Variants in AGBL4 observed in about 807,000 individuals in gnomAD.
AGBL4 encodes AGBL carboxypeptidase 4.
In AGBL4, 58 loss-of-function variants were observed where a neutral mutation model predicts 66.4. The ratio of observed to expected loss-of-function variants is 0.87; its 90% CI spans 0.71 to 1.09. The LOEUF is 1.09. AGBL4 is among the 50% of genes least tolerant of loss of function. The pLI is 0.00. For missense variants in AGBL4, 579 were observed against 631.0 expected, an observed-to-expected ratio of 0.92 and a Z score of 0.88; for synonymous variants, 234 against 222.9, an observed-to-expected ratio of 1.05 and a Z score of -0.44.
intron 3 of AGBL4, among the ~76,000 whole-genome samples, chr1:49,305,135 G>A (rs1644826458): frequency 6.6e-6 from 1 of 152,186 alleles, no homozygotes; most frequent in African/African-American, 2.4e-5. Context: ...TCTGGCTCCA[G>A]TGTCAACATT....
intron 3 of AGBL4, among the ~76,000 whole-genome samples, chr1:49,433,958 A>G (rs1046000296): frequency 3.3e-5 from 5 of 152,224 alleles, no homozygotes; most frequent in Non-Finnish European, 7.4e-5. Flanking sequence ...CATCAGAGTT[A>G]GGGTGGTCAA....
At chr1:49,162,744 A>G (rs1646563165) in intron 4 of AGBL4, among the ~76,000 whole-genome samples, 2 of 152,170 alleles carry the variant, frequency 1.3e-5, no homozygotes, top group Admixed American at 6.5e-5. Flanking sequence ...AGGTCCCTTA[A>G]CCTTTCTGAG....
At chr1:49,721,528 G>A (rs1264237805) in intron 2 of AGBL4, among the ~76,000 whole-genome samples, 3 of 152,150 alleles carry the variant, frequency 2.0e-5, no homozygotes, top group Non-Finnish European at 2.9e-5. Flanking sequence ...AGGACAAGTT[G>A]CTGGAGAGGT....
At position 49,526,554 on chromosome 1, in the gene AGBL4, TA is replaced by T. The variant is rs1570950891; in HGVS notation, c.282+170758del. On this transcript the variant is annotated intron_variant, in intron 3 of 13. Transcript: ENST00000371839. ...AATCTCCCATTTGGAGAGTCAAATA[TA>T]AATATAGGTAGGTGGATACCAAAAA... 4.6e-5 allele frequency among the ~76,000 whole-genome samples: 7 copies of T among 152,080 alleles called. No individual in the cohort carries two copies. In the East Asian group the frequency reaches 1.2e-3, roughly 25 times the overall value.
At chr1:49,476,726 T>A (rs1646854195) in intron 3 of AGBL4, among the ~76,000 whole-genome samples, 1 of 152,104 alleles carries the variant, frequency 6.6e-6, no homozygotes, top group South Asian at 2.1e-4. Context: ...AGAATAGTGA[T>A]CTCTGCTATT....
chr1:48,731,458 G>A (rs1218203388), intron 6 of AGBL4, among the ~76,000 whole-genome samples: 1 of 152,158 alleles, frequency 6.6e-6, no homozygotes, highest in Non-Finnish European at 1.5e-5. Flanking sequence ...AGTCTCCTAG[G>A]AGGCAAAGAT....
chr1:49,406,619 G>T (rs896027687), intron 3 of AGBL4, among the ~76,000 whole-genome samples: 2 of 151,990 alleles, frequency 1.3e-5, no homozygotes, highest in Non-Finnish European at 2.9e-5. Flanking sequence ...AATGGTACAG[G>T]TAATATAAGC....
At chr1:48,754,502 C>T (rs1025558140) in intron 6 of AGBL4, among the ~76,000 whole-genome samples, 1 of 152,014 alleles carries the variant, frequency 6.6e-6, no homozygotes, top group Non-Finnish European at 1.5e-5. Context: ...ACATCTGTAC[C>T]TTGTACATTG....
chr1:49,257,939 C>T (rs545049852), intron 3 of AGBL4, among the ~76,000 whole-genome samples: 32 of 152,186 alleles, frequency 2.1e-4, no homozygotes, highest in Non-Finnish European at 3.2e-4. Flanking sequence ...ACACCTCACA[C>T]GGCTGGGTAC....
In AGBL4 at chr1:49,747,416, G is replaced by T. The variant is rs576947623; in HGVS notation, c.158-49979C>A. On this transcript the variant is annotated intron_variant, in intron 2 of 13. Coordinates refer to ENST00000371839, the MANE Select transcript of AGBL4 (RefSeq NM_032785.4). ...ACCTATTAATGTTTTATGACTGTGG[G>T]ATAAATATAACATAAGAAATTCTGA... 4.1e-4 allele frequency among the ~76,000 whole-genome samples: 62 copies of T among 152,078 alleles called. 1 individual carries two copies. Among genetic ancestry groups the T allele is most frequent in the Non-Finnish European group, 2.1e-4 (14 of 68,012 alleles).
intron 4 of AGBL4, among the ~76,000 whole-genome samples, chr1:49,214,146 G>C (rs910664795): frequency 6.6e-6 from 1 of 152,026 alleles, no homozygotes; most frequent in South Asian, 2.1e-4. Context: ...ATGGTAGTAG[G>C]GTATGTCTAG....
rs1645014386 is a variant in AGBL4, at chr1:49,603,927, TATACACACACACAC to T, written c.282+93372_282+93385del. 4.6e-5 allele frequency among the ~76,000 whole-genome samples: 5 copies of T among 107,724 alleles called. No homozygotes were observed. In the South Asian group the frequency reaches 1.5e-3, roughly 33 times the overall value. The allele number at this position is 107,724 out of a possible 152,430, so 70.7% of individuals were successfully genotyped here. On this transcript the variant is annotated intron_variant, in intron 3 of 13. Transcript: ENST00000371839. ...TCTACAGGTGATTAGTATTCCATGG[TATACACACACACAC>T]ACACACACACACACACACACACACA...
At chr1:48,848,268 G>A (rs1338486301) in intron 6 of AGBL4, among the ~76,000 whole-genome samples, 4 of 152,204 alleles carry the variant, frequency 2.6e-5, no homozygotes, top group South Asian at 2.1e-4. Flanking sequence ...CTTAATGGGC[G>A]GACTACAACT....
intron 8 of AGBL4, among the ~76,000 whole-genome samples, chr1:48,651,244 G>A (rs967645540): frequency 1.3e-5 from 2 of 152,134 alleles, no homozygotes; most frequent in African/African-American, 4.8e-5. Context: ...TCTGAGGGTT[G>A]GAAATCTTTT....
intron 1 of AGBL4, among the ~76,000 whole-genome samples, chr1:49,973,464 T>C (rs1658303232): frequency 6.6e-6 from 1 of 151,994 alleles, no homozygotes; most frequent in South Asian, 2.1e-4. Flanking sequence ...ATCACTTCCA[T>C]AATTGCAGAA....
At chr1:48,879,434 C>T (rs1160505568) in intron 5 of AGBL4, among the ~76,000 whole-genome samples, 2 of 151,304 alleles carry the variant, frequency 1.3e-5, no homozygotes, top group Non-Finnish European at 2.9e-5. Flanking sequence ...CTCAACAATG[C>T]AGCCAGAATA....
At chr1:49,375,947 CCAA>C (rs1644463745) in intron 3 of AGBL4, among the ~76,000 whole-genome samples, 1 of 152,022 alleles carries the variant, frequency 6.6e-6, no homozygotes, top group Admixed American at 6.6e-5. Flanking sequence ...GAAATGTCTC[CCAA>C]GATCCCACTC....
intron 2 of AGBL4, among the ~76,000 whole-genome samples, chr1:49,847,705 GTT>G (rs143820918): frequency 7.0e-6 from 1 of 142,046 alleles, no homozygotes; most frequent in Non-Finnish European, 1.6e-5. Flanking sequence ...AAATAAACTT[GTT>G]TTTTTTTTTT....
intron 1 of AGBL4, among the ~76,000 whole-genome samples, chr1:49,977,275 T>C (rs547592241): frequency 1.3e-5 from 2 of 152,086 alleles, no homozygotes; most frequent in Admixed American, 1.3e-4. Context: ...ACCTCCCATC[T>C]TTCATGAGCT....
Sources: allele counts gnomAD v4.1 joint callset (sites outside exome capture counted in the v4.1 genomes callset), GRCh38; gene constraint gnomAD v4.1.1; transcripts MANE v1.5; gene names NCBI Gene and HGNC (gene_info 2026-07-23, HGNC 2026-07-21).